The following BBOX1 variants were observed in gnomAD, a reference collection of about 807,000 sequenced individuals.
BBOX1 encodes gamma-butyrobetaine dioxygenase.
BBOX1 carries 35 observed loss-of-function variants against 41.6 expected under a neutral mutation model. That is an observed-to-expected ratio of 0.84 (90% CI 0.64 to 1.11). The LOEUF is 1.11. BBOX1 is among the 50% of genes most tolerant of loss of function. BBOX1 has a pLI of 0.00. For synonymous variants in BBOX1, 163 were observed against 154.7 expected (o/e 1.05, Z -0.40); for missense variants, 458 against 460.6 (o/e 0.99, Z 0.05).
chr11:27,075,465 C>T (rs1243428416), intron 4 of BBOX1, among the ~76,000 whole-genome samples: 1 of 152,084 alleles, frequency 6.6e-6, no homozygotes, highest in Non-Finnish European at 1.5e-5. Context: ...GTAAATGCAA[C>T]ACCCAATCAT....
intron 2 of BBOX1, among the ~76,000 whole-genome samples, chr11:27,048,891 T>TC (rs1231895456): frequency 3.6e-5 from 3 of 83,934 alleles, no homozygotes; most frequent in Non-Finnish European, 6.8e-5. Flanking sequence ...ATGCTATCCC[T>TC]CCCCCCTCCC....
At chr11:27,119,920 C>A in intron 7 of BBOX1, 75 bp downstream of exon 7, 1 of 904,740 alleles carries the variant, frequency 1.1e-6, no homozygotes, top group Non-Finnish European at 1.5e-6. Flanking sequence ...AAAGTTTAAA[C>A]AGCACAAAAC....
intron 7 of BBOX1, among the ~76,000 whole-genome samples, chr11:27,124,342 C>T (rs566528592): frequency 4.6e-5 from 7 of 152,254 alleles, no homozygotes; most frequent in Non-Finnish European, 8.8e-5. Flanking sequence ...CATCCTGTTT[C>T]TACCTAAAGA....
chr11:27,102,199 A>G (rs761594114), intron 5 of BBOX1, among the ~76,000 whole-genome samples: 1 of 152,108 alleles, frequency 6.6e-6, no homozygotes, highest in Non-Finnish European at 1.5e-5. Context: ...CTAAGGATGC[A>G]TGTGGTTGAT....
intron 7 of BBOX1, among the ~76,000 whole-genome samples, chr11:27,124,176 GTGTA>G (rs1859562711): frequency 6.6e-6 from 1 of 152,100 alleles, no homozygotes; most frequent in Admixed American, 6.6e-5. Flanking sequence ...CCAAACCCAG[GTGTA>G]TGTGTGTTTG....
chr11:27,078,478 C>G (rs115266929), intron 4 of BBOX1, among the ~76,000 whole-genome samples: 342 of 152,248 alleles, frequency 2.2e-3, no homozygotes, highest in African/African-American at 7.5e-3. Context: ...CCTATCCCCC[C>G]ACCATGGAAT....
intron 4 of BBOX1, among the ~76,000 whole-genome samples, chr11:27,083,905 C>G (rs187042820): frequency 6.6e-6 from 1 of 152,180 alleles, no homozygotes; most frequent in African/African-American, 2.4e-5. Flanking sequence ...GTCAGGCAAC[C>G]AGAGCACCCT....
chr11:27,071,171 A>G (rs1590184514), intron 4 of BBOX1, among the ~76,000 whole-genome samples: 3 of 151,990 alleles, frequency 2.0e-5, no homozygotes, highest in Admixed American at 6.6e-5. Flanking sequence ...TCAGGAAATC[A>G]AGACCATCCT....
chr11:27,098,616 T>C (rs1858533099), intron 5 of BBOX1, among the ~76,000 whole-genome samples: 1 of 152,074 alleles, frequency 6.6e-6, no homozygotes. Context: ...TAAGATAATA[T>C]TGAGAAATTC....
chr11:27,085,597 G>T (rs1858013460), intron 4 of BBOX1, among the ~76,000 whole-genome samples: 1 of 114,772 alleles, frequency 8.7e-6, no homozygotes, highest in Non-Finnish European at 2.0e-5. Context: ...CTCTCTCTCT[G>T]GGCCTCCCTG....
At chr11:27,116,289 G>C (rs924978029) in intron 6 of BBOX1, among the ~76,000 whole-genome samples, 7 of 151,696 alleles carry the variant, frequency 4.6e-5, no homozygotes, top group Non-Finnish European at 4.4e-5. Context: ...CATGGACACA[G>C]AGAGAGGAAC....
chr11:27,087,239 C>A (rs1488408634), intron 4 of BBOX1, among the ~76,000 whole-genome samples: 1 of 152,044 alleles, frequency 6.6e-6, no homozygotes, highest in Non-Finnish European at 1.5e-5. Context: ...GCATCACATA[C>A]TACAAAGAAA....
At chr11:27,117,242 T>C (rs902810475) in intron 6 of BBOX1, among the ~76,000 whole-genome samples, 2 of 151,972 alleles carry the variant, frequency 1.3e-5, no homozygotes, top group African/African-American at 4.8e-5. Flanking sequence ...TGGGCCAAAA[T>C]CACAATTAGC....
intron 4 of BBOX1, among the ~76,000 whole-genome samples, chr11:27,076,865 A>G (rs1031240070): frequency 4.6e-5 from 7 of 152,114 alleles, no homozygotes; most frequent in Non-Finnish European, 1.0e-4. Flanking sequence ...GCAGGTGGCA[A>G]TAAGCCCCAC....
chr11:27,105,756 C>T (rs190190945), intron 5 of BBOX1, among the ~76,000 whole-genome samples: 68 of 152,176 alleles, frequency 4.5e-4, no homozygotes, highest in African/African-American at 1.5e-3. Flanking sequence ...CAAAGATACT[C>T]CTCGAGAACA....
intron 2 of BBOX1, among the ~76,000 whole-genome samples, chr11:27,045,868 T>C (rs1057099008): frequency 1.3e-5 from 2 of 152,198 alleles, no homozygotes; most frequent in Non-Finnish European, 1.5e-5. Flanking sequence ...ATAATAACTA[T>C]AAAGTTTCTG....
rs192768265 is a variant in BBOX1 at position 27,119,629 on chromosome 11, T to C, written c.640-20T>C. ...ATGTAATTTAATATTTATTTAATAA[T>C]GCATATTTTCTTTTTATAGGTTCAG... On this transcript the variant is annotated intron_variant, in intron 6 of 8. Transcript: ENST00000263182. 2.8e-4 allele frequency: 366 copies of C among 1,286,576 alleles called. No individual in the cohort carries two copies. In the African/African-American group the frequency reaches 5.4e-3, roughly 19 times the overall value. The allele number at this position is 1,286,576 out of a possible 1,614,324, so 79.7% of individuals were successfully genotyped here.
chr11:27,064,303 A>G (rs1440573317), intron 4 of BBOX1, among the ~76,000 whole-genome samples: 1 of 152,098 alleles, frequency 6.6e-6, no homozygotes, highest in Non-Finnish European at 1.5e-5. Flanking sequence ...CCTTAGAGCA[A>G]TTAAGCCACC....
At chr11:27,048,747 T>C (rs1198096999) in intron 2 of BBOX1, among the ~76,000 whole-genome samples, 1 of 81,656 alleles carries the variant, frequency 1.2e-5, no homozygotes, top group Non-Finnish European at 2.3e-5. Context: ...GGAATGGTAG[T>C]TCTTTTTTTT....
Sources: gnomAD v4.1 joint callset for allele counts (sites outside exome capture counted in the v4.1 genomes callset) on GRCh38, gnomAD v4.1.1 for gene constraint, MANE v1.5 for transcripts, NCBI Gene and HGNC (gene_info 2026-07-23, HGNC 2026-07-21) for gene names.